The following DCTN3 variants were observed in gnomAD, a reference collection of about 807,000 sequenced individuals.
DCTN3 encodes dynactin subunit 3, also known as dynactin 3 (p22).
Under a neutral mutation model 28.4 loss-of-function variants are expected in DCTN3, and 25 were observed. The ratio of observed to expected loss-of-function variants is 0.88; its 90% CI spans 0.64 to 1.23. The LOEUF (loss-of-function observed/expected upper bound fraction) is 1.23. DCTN3 is among the 50% of genes most tolerant of loss of function. The pLI, the probability that DCTN3 is intolerant of heterozygous loss-of-function variation, is 0.00. For synonymous variants in DCTN3, 81 were observed against 91.4 expected (o/e 0.89, Z 0.65); for missense variants, 229 against 232.0 (o/e 0.99, Z 0.08).
rs1481861771 is a variant in DCTN3, at chr9:34,614,077, C to T, written c.436G>A (p.Glu146Lys). ...TATTCCTCCAGGAGAGCCTTGGACT[C>T]CTCAGTGATTTCCACACACTGGTCC... ...QQDQCVEITE[E>K]SKALLEEYNK... is the part of the protein sequence containing the mutation. The change falls in exon 6 of 7, where the codon GAG (glutamate) becomes AAG (lysine). Residue 146 changes from glutamate (E) to lysine (K), a missense_variant. Physicochemically the swap from Glu to Lys is moderately conservative, Grantham distance 56. Coordinates refer to ENST00000259632, the MANE Select transcript of DCTN3 (RefSeq NM_007234.5). The T allele has an allele frequency of 2.4e-5, 38 of 1,613,702 alleles. No individual in the cohort carries two copies. The highest frequency in any genetic ancestry group is 3.2e-5 in the Non-Finnish European group (38 of 1,179,776).
At chr9:34,615,022 C>T in intron 4 of DCTN3, 1 of 514,470 alleles carries the variant, frequency 1.9e-6, no homozygotes, top group Middle Eastern at 5.1e-4. Flanking sequence ...AGTGTTGCTC[C>T]CTACCCCCAC....
intron 3 of DCTN3, chr9:34,617,668 G>A (rs1413896361): frequency 1.4e-6 from 2 of 1,471,712 alleles, no homozygotes; most frequent in South Asian, 1.2e-5. Flanking sequence ...TCCCACTGTG[G>A]CTGGCACCAT....
chr9:34,619,592 G>A (rs561871455), intron 1 of DCTN3, among the ~76,000 whole-genome samples: 3 of 152,282 alleles, frequency 2.0e-5, no homozygotes, highest in Admixed American at 2.0e-4. Context: ...GAGGTAGAAG[G>A]AAAACCAGGA....
chr9:34,620,423 C>T lies in DCTN3; in HGVS notation c.42G>A (p.Val14=). 1.3e-6 allele frequency: 2 copies of T among 1,564,292 alleles called. No homozygotes were observed. The highest frequency in any genetic ancestry group is 1.7e-6 in the Non-Finnish European group (2 of 1,155,214). Residue 14 remains valine, a synonymous_variant, in exon 1 of 7, where the codon GTG becomes GTA. Coordinates refer to ENST00000259632, the MANE Select transcript of DCTN3 (RefSeq NM_007234.5). ...CGTACACCCAGCGCTCCAGCTCTTC[C>T]ACTCGGGCCTGTAGCCGCTGCAAGT... ...LTDLQRLQAR[V]EELERWVYGP...
rs201579471 is a variant in DCTN3 at position 34,613,750 on chromosome 9, G to C, written c.*32C>G. ...TGGCATAGGGCCCTGGAGCCTGACT[G>C]CCCAGGCCCACTTTGGGATGGGGAG... On this transcript the variant is annotated 3_prime_UTR_variant, in exon 7 of 7. Coordinates refer to ENST00000259632, the MANE Select transcript of DCTN3 (RefSeq NM_007234.5). The C allele has an allele frequency of 9.3e-6, 15 of 1,612,288 alleles. No individual in the cohort carries two copies. The highest frequency in any genetic ancestry group is 6.7e-5 in the Admixed American group (4 of 59,980).
chr9:34,619,106 G>C (rs1263615178), intron 1 of DCTN3, among the ~76,000 whole-genome samples: 1 of 152,204 alleles, frequency 6.6e-6, no homozygotes, highest in Non-Finnish European at 1.5e-5. Flanking sequence ...ATGACCTCTA[G>C]ATTGGCTGGC....
At position 34,618,854 on chromosome 9, in the gene DCTN3, T is replaced by C. The variant is rs541085590; in HGVS notation, c.97-94A>G. The C allele has an allele frequency of 1.4e-5, 13 of 962,616 alleles. No individual in the cohort carries two copies. The East Asian group carries it at 1.7e-4, about 13-fold the overall frequency. The allele number at this position is 962,616 out of a possible 1,614,324, so 59.6% of individuals were successfully genotyped here. On this transcript the variant is annotated intron_variant, in intron 1 of 6. Transcript: ENST00000259632. ...CCTCATTCTCCCAGACTCTCAAACCTGAATCCCAGTAATCTAGGTTGGCCT... is the reference window on the plus strand; with the variant it reads ...CCTCATTCTCCCAGACTCTCAAACCCGAATCCCAGTAATCTAGGTTGGCCT...
chr9:34,620,345 G>A (rs1418303849), intron 1 of DCTN3, 24 bp downstream of exon 1: 1 of 1,606,338 alleles, frequency 6.2e-7, no homozygotes, highest in South Asian at 1.1e-5. Context: ...CTCCAGAAAG[G>A]GACTACCGGA....
At chr9:34,614,582 G>C in intron 5 of DCTN3, 128 bp downstream of exon 5, 1 of 1,094,890 alleles carries the variant, frequency 9.1e-7, no homozygotes, top group Non-Finnish European at 1.4e-6. Context: ...GCAAGATAAA[G>C]GATAAACCCC....
intron 2 of DCTN3, 62 bp from the exon 3 acceptor site, chr9:34,618,033 G>A: frequency 6.5e-7 from 1 of 1,538,548 alleles, no homozygotes; most frequent in Non-Finnish European, 8.9e-7. Flanking sequence ...GCCTTATGAA[G>A]GATGTTTGAC....
rs1442036171 is a variant in DCTN3, at chr9:34,616,469, G to C, written c.269-356C>G. ...TCAGACTTGGATCCCCACACCCAAG[G>C]GTCCCCAGGAAGGTCTAAAAGAGAT... On this transcript the variant is annotated intron_variant, in intron 3 of 6. Transcript: ENST00000259632. The surrounding 1 kb of genome is among the most constrained non-coding windows in gnomAD (Gnocchi z 4.7). The C allele has an allele frequency of 2.0e-5, 4 of 203,926 alleles. No homozygotes were observed. The highest frequency in any genetic ancestry group is 1.7e-4 in the Admixed American group (3 of 17,854). The allele number at this position is 203,926 out of a possible 1,614,324, so 12.6% of individuals were successfully genotyped here.
Position 34,613,569 on chromosome 9 carries a change from G to A in DCTN3, c.*213C>T. The A allele has an allele frequency of 2.2e-6, 1 of 459,878 alleles. No individual in the cohort carries two copies. Among genetic ancestry groups the A allele is most frequent in the Admixed American group, 3.5e-5 (1 of 28,458 alleles). The allele number at this position is 459,878 out of a possible 1,614,324, so 28.5% of individuals were successfully genotyped here. ...CCTCCAGTCATCTCTATGGTTTATT[G>A]TCACTGAAATAAGAACACTGATTGG... On this transcript the variant is annotated 3_prime_UTR_variant, in exon 7 of 7. Coordinates refer to ENST00000259632, the MANE Select transcript of DCTN3 (RefSeq NM_007234.5).
At chr9:34,618,562 T>C in intron 2 of DCTN3, 114 bp downstream of exon 2, 1 of 796,728 alleles carries the variant, frequency 1.3e-6, no homozygotes, top group African/African-American at 1.7e-5. Flanking sequence ...CTCATAATCT[T>C]TCTATCCCCA....
chr9:34,615,177 C>G (rs1299519087), intron 4 of DCTN3: 1 of 175,602 alleles, frequency 5.7e-6, no homozygotes. Flanking sequence ...AGCTGGAATC[C>G]AACACGCCAA....
chr9:34,620,293 G>T, intron 1 of DCTN3, 76 bp downstream of exon 1: 3 of 1,308,252 alleles, frequency 2.3e-6, no homozygotes, highest in Non-Finnish European at 1.1e-6. Flanking sequence ...GACTGGAGCG[G>T]TTGCATCCCG....
Position 34,620,118 on chromosome 9 carries a change from C to T in DCTN3, c.96+251G>A, listed in dbSNP as rs1233949960. Among the ~76,000 whole-genome samples, 5 of 152,204 alleles carry T rather than the reference C, an allele frequency of 3.3e-5. No homozygotes were observed. In the South Asian group the frequency reaches 1.0e-3, roughly 32 times the overall value. On this transcript the variant is annotated intron_variant, in intron 1 of 6. Transcript: ENST00000259632. ...TCGTGTCAGGTCTCCCCAACTATAG[C>T]TCGCGAGGGCAAGGGCGGAGTCTCA...
intron 5 of DCTN3, chr9:34,614,436 T>G: frequency 1.6e-6 from 1 of 616,952 alleles, no homozygotes; most frequent in South Asian, 2.1e-5. Flanking sequence ...CTACCCACAG[T>G]CAATGACATA....
At chr9:34,615,734 A>G (rs1820408833) in intron 4 of DCTN3, 1 of 244,130 alleles carries the variant, frequency 4.1e-6, no homozygotes, top group African/African-American at 2.3e-5. Context: ...CAACATGGTG[A>G]AACCCCGTCT....
At chr9:34,618,474 G>A (rs1257092417) in intron 2 of DCTN3, among the ~76,000 whole-genome samples, 2 of 152,188 alleles carry the variant, frequency 1.3e-5, no homozygotes, top group African/African-American at 2.4e-5. Flanking sequence ...TTAGGACACT[G>A]TCATGGGCTT....
Sources: allele counts gnomAD v4.1 joint callset (sites outside exome capture counted in the v4.1 genomes callset), GRCh38; gene constraint gnomAD v4.1.1; non-coding constraint Gnocchi (gnomAD v3.1); transcripts MANE v1.5; gene names NCBI Gene and HGNC (gene_info 2026-07-23, HGNC 2026-07-21).